The following MCM3AP variants were observed in gnomAD, a reference collection of about 807,000 sequenced individuals.
The protein encoded by MCM3AP is minichromosome maintenance complex component 3 associated protein, also known as germinal-center associated nuclear protein.
MCM3AP carries 126 observed loss-of-function variants against 184.1 expected under a neutral mutation model. The ratio of observed to expected loss-of-function variants is 0.68; its 90% CI spans 0.59 to 0.79. The LOEUF is 0.79. MCM3AP is among the 30% of genes least tolerant of loss of function. MCM3AP has a pLI of 0.00. For synonymous variants in MCM3AP, 1,002 were observed against 979.3 expected (o/e 1.02, Z -0.43); for missense variants, 2,496 against 2,479.2 (o/e 1.01, Z -0.14).
chr21:46,243,368 A>G, intron 24 of MCM3AP, 97 bp downstream of exon 24: 1 of 1,413,110 alleles, frequency 7.1e-7, no homozygotes, highest in Non-Finnish European at 9.6e-7. Context: ...GAGACCCAAA[A>G]GAAAAGCAGC....
Position 46,284,717 on chromosome 21 carries a change from G to C in MCM3AP, c.570C>G (p.Ala190=). The stretch of plus-strand genomic sequence containing the variant: ...TTGTTACTTGAGGAAAAGAGAAAGG[G>C]GCCAGGCCTCCAGGTGCACTACTAA... ...HPISSAPGGL[A]PFSFPQVTSS... is the part of the protein sequence containing the mutation. Residue 190 remains alanine, a synonymous_variant, in exon 1 of 28, where the codon GCC becomes GCG. Coordinates refer to ENST00000291688, the MANE Select transcript of MCM3AP (RefSeq NM_003906.5). 6.2e-7 allele frequency: 1 copy of C among 1,613,992 alleles called. No individual in the cohort carries two copies. Among genetic ancestry groups the C allele is most frequent in the Non-Finnish European group, 8.5e-7 (1 of 1,180,010 alleles).
At chr21:46,260,999 A>G in intron 14 of MCM3AP, 93 bp from the exon 15 acceptor site, 1 of 1,061,916 alleles carries the variant, frequency 9.4e-7, no homozygotes, top group Non-Finnish European at 1.4e-6. Flanking sequence ...ACAGGGATTG[A>G]GGTGTGCTGC....
intron 6 of MCM3AP, 92 bp from the exon 7 acceptor site, chr21:46,273,677 C>T: frequency 1.2e-6 from 1 of 851,968 alleles, no homozygotes. Flanking sequence ...ATCACATACA[C>T]ACCCACACAA....
intron 4 of MCM3AP, 42 bp from the exon 5 acceptor site, chr21:46,277,759 G>T: frequency 7.8e-7 from 1 of 1,288,396 alleles, no homozygotes; most frequent in Non-Finnish European, 1.1e-6. Flanking sequence ...GTCCCAGGAA[G>T]GCCTTCAGAG....
chr21:46,279,406 G>C (rs904615974), intron 4 of MCM3AP, among the ~76,000 whole-genome samples: 1 of 152,252 alleles, frequency 6.6e-6, no homozygotes, highest in African/African-American at 2.4e-5. Flanking sequence ...TTCAGGACGA[G>C]TTAGATGAGC....
chr21:46,246,085 C>CA (rs1377457841), intron 22 of MCM3AP, among the ~76,000 whole-genome samples: 1 of 152,322 alleles, frequency 6.6e-6, no homozygotes, highest in East Asian at 1.9e-4. Context: ...TGGCACACCA[C>CA]AGTAGTCCCA....
intron 24 of MCM3AP, 148 bp downstream of exon 24, chr21:46,243,317 T>C: frequency 1.0e-6 from 1 of 970,708 alleles, no homozygotes; most frequent in Non-Finnish European, 1.5e-6. Context: ...TGTTTTTAAG[T>C]CACTCACTTG....
rs779667915 is a variant in MCM3AP at position 46,284,104 on chromosome 21, T to C, written c.1183A>G (p.Lys395Glu). Reference sequence around the variant, plus strand: ...TCTCTACTTTCAGTTTCTTCCTCTTTATTCACACCTGGAATCCGGGAAGGT... The same window carrying C: ...TCTCTACTTTCAGTTTCTTCCTCTTCATTCACACCTGGAATCCGGGAAGGT... ...LAPSRIPGVNKEEETESREKK... is the reference protein window; with the variant it reads ...LAPSRIPGVNEEEETESREKK... The change falls in exon 1 of 28, where the codon AAA becomes GAA. Residue 395 changes from lysine (K) to glutamate (E), a missense_variant. Physicochemically the swap from Lys to Glu is moderately conservative, Grantham distance 56. Around this residue, in one of 5 missense-constraint regions of MCM3AP, gnomAD observed 800 missense variants for 717.1 expected, o/e 1.12. Coordinates refer to ENST00000291688, the MANE Select transcript of MCM3AP (RefSeq NM_003906.5). The C allele has an allele frequency of 1.6e-5, 26 of 1,613,918 alleles. No homozygotes were observed. The South Asian group carries it at 2.4e-4, about 15-fold the overall frequency.
chr21:46,251,977 T>TGC, intron 19 of MCM3AP: 1 of 216,528 alleles, frequency 4.6e-6, no homozygotes, highest in Non-Finnish European at 8.9e-6. Flanking sequence ...CAAGCAAACC[T>TGC]GCCTCAGTAG....
In MCM3AP at chr21:46,246,610, G is replaced by C. The variant is rs140449095; in HGVS notation, c.4549+18C>G. On this transcript the variant is annotated intron_variant, in intron 21 of 27. Coordinates refer to ENST00000291688, the MANE Select transcript of MCM3AP (RefSeq NM_003906.5). ...TATTAAACAATGCTGCTTCATAAAC[G>C]AGACTTCCTTCACAAACCATCTTCT... The C allele has an allele frequency of 4.4e-6, 7 of 1,605,658 alleles. No homozygotes were observed. Among genetic ancestry groups the C allele is most frequent in the Non-Finnish European group, 6.0e-6 (7 of 1,173,062 alleles).
chr21:46,259,454 TCA>T, intron 15 of MCM3AP: 1 of 132,384 alleles, frequency 7.6e-6, no homozygotes, highest in Non-Finnish European at 1.6e-5. Flanking sequence ...AGACTCCGTC[TCA>T]AAAAAAAAAA....
Position 46,278,743 on chromosome 21 carries a change from G to A in MCM3AP, c.1668-1026C>T, listed in dbSNP as rs1042360968. Among the ~76,000 whole-genome samples, 6 of 151,584 alleles carry A rather than the reference G, an allele frequency of 4.0e-5. No homozygotes were observed. In the South Asian group the frequency reaches 1.0e-3, roughly 26 times the overall value. On this transcript the variant is annotated intron_variant, in intron 4 of 27. Coordinates refer to ENST00000291688, the MANE Select transcript of MCM3AP (RefSeq NM_003906.5). ...GTCTGGAGTGCAGTGGCGCAATCTC[G>A]GCTCACTGCAAGCTCCGCCTCCCGG...
In MCM3AP at chr21:46,235,146, G is replaced by A; in HGVS notation, c.*122C>T. On this transcript the variant is annotated 3_prime_UTR_variant, in exon 28 of 28. Coordinates refer to ENST00000291688, the MANE Select transcript of MCM3AP (RefSeq NM_003906.5). ...AAACTGGGAGACTGACATTTAAATG[G>A]TTTATCTGCATGATTAAATTAATCA... 9.0e-7 allele frequency: 1 copy of A among 1,105,326 alleles called. No homozygotes were observed. The highest frequency in any genetic ancestry group is 1.3e-6 in the Non-Finnish European group (1 of 776,186). 68.5% of individuals were successfully genotyped at this position (1,105,326 alleles called of 1,614,324 possible).
chr21:46,257,474 C>CAAAAAAA (rs369556689), intron 16 of MCM3AP, among the ~76,000 whole-genome samples: 1 of 49,340 alleles, frequency 2.0e-5, no homozygotes, highest in African/African-American at 8.3e-5. Flanking sequence ...GGCTCCGTCT[C>CAAAAAAA]AAAAAAAAAA....
In MCM3AP at chr21:46,237,995, G is replaced by A. The variant is rs1195792283; in HGVS notation, c.5634-1016C>T. Reference sequence around the variant, plus strand: ...CGTGCCTGTAATCCCAGCTACTTGGGAGGCTGAGGCAGGAGAACTGCCTGA... The same window carrying A: ...CGTGCCTGTAATCCCAGCTACTTGGAAGGCTGAGGCAGGAGAACTGCCTGA... On this transcript the variant is annotated intron_variant, in intron 26 of 27. Transcript: ENST00000291688. Among the ~76,000 whole-genome samples, 3 of 112,566 alleles carry A rather than the reference G, an allele frequency of 2.7e-5. 1 individual carries two copies. The highest frequency in any genetic ancestry group is 5.5e-5 in the Non-Finnish European group (3 of 54,320). The allele number at this position is 112,566 out of a possible 152,430, so 73.8% of individuals were successfully genotyped here. A position where few individuals can be genotyped will look rare whatever the true frequency, so the allele number is the denominator to read the frequency against.
chr21:46,277,798 T>C (rs1022370923), intron 4 of MCM3AP, 81 bp from the exon 5 acceptor site: 2 of 797,230 alleles, frequency 2.5e-6, no homozygotes, highest in African/African-American at 1.8e-5. Flanking sequence ...CGTCCCCTCA[T>C]CTTTCAAGAT....
At chr21:46,275,450 G>T (rs2145703075) in intron 5 of MCM3AP, 125 bp from the exon 6 acceptor site, 1 of 835,270 alleles carries the variant, frequency 1.2e-6, no homozygotes, top group Non-Finnish European at 1.8e-6. Context: ...CAAAAGAAAA[G>T]AAAAACATTT....
Position 46,264,728 on chromosome 21 carries a change from G to A in MCM3AP, c.3235-511C>T, listed in dbSNP as rs16979030. 3.8e-3 allele frequency among the ~76,000 whole-genome samples: 574 copies of A among 151,874 alleles called. 1 individual carries two copies. The highest frequency in any genetic ancestry group is 0.013 in the African/African-American group (537 of 41,410). ...CAGGCCATGCCCATCAGGGTGCACA[G>A]CCAGAGACCACACACACCAGAGGGG... On this transcript the variant is annotated intron_variant, in intron 12 of 27. Transcript: ENST00000291688.
intron 6 of MCM3AP, among the ~76,000 whole-genome samples, chr21:46,274,938 CAAAA>C (rs35282554): frequency 1.9e-4 from 18 of 96,992 alleles, no homozygotes; most frequent in Admixed American, 2.3e-4. Context: ...GACCCTGTCT[CAAAA>C]AAAAAAAAAA....
Sources: allele counts gnomAD v4.1 joint callset (sites outside exome capture counted in the v4.1 genomes callset), GRCh38; gene constraint gnomAD v4.1.1; regional missense constraint gnomAD v4.1.1; transcripts MANE v1.5; gene names NCBI Gene and HGNC (gene_info 2026-07-23, HGNC 2026-07-21).